DPP10: variants seen among roughly 807,000 people sequenced by gnomAD.
DPP10 encodes dipeptidyl peptidase like 10.
In DPP10, 33 loss-of-function variants were observed where a neutral mutation model predicts 120.9. The observed-to-expected ratio is 0.27, with a 90% CI of 0.21 to 0.37. The LOEUF (loss-of-function observed/expected upper bound fraction) is 0.37, where lower values mean the gene tolerates loss of function less well. Among genes scored for constraint, DPP10 ranks in the 10% least tolerant of loss-of-function variants. The pLI is 1.00. For synonymous variants in DPP10, 337 were observed against 326.1 expected, an observed-to-expected ratio of 1.03 and a Z score of -0.36; for missense variants, 816 against 942.8, an observed-to-expected ratio of 0.87 and a Z score of 1.76.
At chr2:115,314,532 G>A (rs868397620) in intron 2 of DPP10, among the ~76,000 whole-genome samples, 2 of 152,148 alleles carry the variant, frequency 1.3e-5, no homozygotes, top group African/African-American at 4.8e-5. Context: ...ACATAACCAA[G>A]CATTGATGTG....
chr2:115,637,963 T>A (rs927345466), intron 5 of DPP10, among the ~76,000 whole-genome samples: 53 of 152,334 alleles, frequency 3.5e-4, no homozygotes, highest in African/African-American at 1.2e-3. Context: ...GAGGGTAACC[T>A]GTAGAAGAAG....
At chr2:114,602,441 G>A (rs1419338885) in intron 1 of DPP10, among the ~76,000 whole-genome samples, 1 of 151,700 alleles carries the variant, frequency 6.6e-6, no homozygotes, top group African/African-American at 2.4e-5. Flanking sequence ...TTAAATATTT[G>A]GACACAATCA....
intron 5 of DPP10, among the ~76,000 whole-genome samples, chr2:115,541,209 A>G (rs1389511943): frequency 6.6e-6 from 1 of 151,870 alleles, no homozygotes; most frequent in East Asian, 1.9e-4. Flanking sequence ...TTTCAGAAAA[A>G]TGTTCCAAAT....
chr2:115,169,805 G>A (rs948693016), intron 1 of DPP10, among the ~76,000 whole-genome samples: 4 of 152,098 alleles, frequency 2.6e-5, no homozygotes, highest in African/African-American at 4.8e-5. Flanking sequence ...ATTGTAATTC[G>A]TCATGCTTAC....
chr2:114,652,641 G>A (rs77814140), intron 1 of DPP10, among the ~76,000 whole-genome samples: 167 of 152,306 alleles, frequency 1.1e-3, no homozygotes, highest in African/African-American at 3.9e-3. Context: ...TGTTATAGTG[G>A]ATGTATAATT....
intron 1 of DPP10, among the ~76,000 whole-genome samples, chr2:114,955,650 T>C (rs1698143024): frequency 6.6e-6 from 1 of 152,194 alleles, no homozygotes; most frequent in African/African-American, 2.4e-5. Context: ...GAGAAAATAA[T>C]ATTTCAGGCC....
chr2:115,563,784 T>A (rs72961549), intron 5 of DPP10, among the ~76,000 whole-genome samples: 2,643 of 152,260 alleles, frequency 0.017, 79 homozygotes, highest in African/African-American at 0.06. Flanking sequence ...GTGGAAAACA[T>A]AACAAAATAT....
At chr2:114,936,378 TATATACACATATATACAC>T (rs1233136220) in intron 1 of DPP10, among the ~76,000 whole-genome samples, 6 of 151,866 alleles carry the variant, frequency 4.0e-5, no homozygotes, top group African/African-American at 1.5e-4. Context: ...TGTGTGTATA[TATATACACATATATACAC>T]ATATACACAT....
chr2:114,869,953 G>A (rs182813000), intron 1 of DPP10, among the ~76,000 whole-genome samples: 20 of 152,222 alleles, frequency 1.3e-4, no homozygotes, highest in Middle Eastern at 3.4e-3. Context: ...TACCCTCTAC[G>A]TTTCTAGATT....
intron 9 of DPP10, among the ~76,000 whole-genome samples, chr2:115,740,700 G>C (rs763727759): frequency 1.3e-5 from 2 of 152,050 alleles, no homozygotes; most frequent in Non-Finnish European, 2.9e-5. Flanking sequence ...AAAACATCTG[G>C]ATTGTACTGT....
intron 1 of DPP10, among the ~76,000 whole-genome samples, chr2:114,984,171 A>C (rs1396932): frequency 0.53 from 80,983 of 152,074 alleles, 21,766 homozygotes; most frequent in East Asian, 0.61. Flanking sequence ...TGATTCCATT[A>C]TGCTGCCACA....
chr2:114,668,379 A>C (rs1698086443), intron 1 of DPP10, among the ~76,000 whole-genome samples: 1 of 152,180 alleles, frequency 6.6e-6, no homozygotes, highest in Non-Finnish European at 1.5e-5. Flanking sequence ...ATCTTCCTCC[A>C]CCTTTTTATT....
intron 1 of DPP10, among the ~76,000 whole-genome samples, chr2:114,995,710 T>C (rs1553467457): frequency 6.6e-6 from 1 of 152,146 alleles, no homozygotes; most frequent in Non-Finnish European, 1.5e-5. Context: ...ACCAGCAAGT[T>C]TGGAAACATC....
At chr2:115,261,886 C>G (rs540253219) in intron 1 of DPP10, among the ~76,000 whole-genome samples, 1 of 152,314 alleles carries the variant, frequency 6.6e-6, no homozygotes, top group African/African-American at 2.4e-5. Context: ...TAGACAGCTA[C>G]TAACAGCCTT....
chr2:115,343,927 T>C lies in DPP10; in HGVS notation c.271+15T>C. 1 of 1,568,170 alleles carries C rather than the reference T, an allele frequency of 6.4e-7. No individual in the cohort carries two copies. Among genetic ancestry groups the C allele is most frequent in the Non-Finnish European group, 8.7e-7 (1 of 1,155,530 alleles). The stretch of plus-strand genomic sequence containing the variant: ...GTGGATCAATGGTAAGTGTATACCT[T>C]TTTAAACATTGTATTCATTTTGAGT... On this transcript the variant is annotated intron_variant, in intron 3 of 25. Coordinates refer to ENST00000410059, the MANE Select transcript of DPP10 (RefSeq NM_020868.6).
chr2:114,507,050 C>CT (rs1227607834), intron 1 of DPP10, among the ~76,000 whole-genome samples: 4,246 of 124,660 alleles, frequency 0.034, 221 homozygotes, highest in African/African-American at 0.12. Context: ...CTTTTTTTTT[C>CT]TTTTTTTTTT....
At chr2:115,151,434 C>A (rs1186095025) in intron 1 of DPP10, among the ~76,000 whole-genome samples, 1 of 140,492 alleles carries the variant, frequency 7.1e-6, no homozygotes, top group Non-Finnish European at 1.5e-5. Flanking sequence ...TTTTTTGAGA[C>A]AGAGTCTTGC....
At chr2:115,616,333 T>C (rs2084494145) in intron 5 of DPP10, among the ~76,000 whole-genome samples, 1 of 152,120 alleles carries the variant, frequency 6.6e-6, no homozygotes, top group African/African-American at 2.4e-5. Context: ...TATAGTTTTC[T>C]GTTTTCCAAT....
At chr2:115,100,235 A>G (rs976122269) in intron 1 of DPP10, among the ~76,000 whole-genome samples, 1 of 152,160 alleles carries the variant, frequency 6.6e-6, no homozygotes, top group African/African-American at 2.4e-5. Flanking sequence ...ACTTGACATG[A>G]GTTCGAGGCC....
Sources: allele counts gnomAD v4.1 joint callset (sites outside exome capture counted in the v4.1 genomes callset), GRCh38; gene constraint gnomAD v4.1.1; transcripts MANE v1.5; gene names NCBI Gene and HGNC (gene_info 2026-07-23, HGNC 2026-07-21).